CHST8: variants seen among roughly 807,000 people sequenced by gnomAD.
The protein encoded by CHST8 is GALNAC-4-ST1.
Under a neutral mutation model 15.0 loss-of-function variants are expected in CHST8, and 10 were observed. The observed-to-expected ratio is 0.67, with a 90% CI of 0.41 to 1.13. CHST8 has a LOEUF of 1.13. Among genes scored for constraint, CHST8 ranks in the 50% most tolerant of loss-of-function variants. The pLI, the probability that CHST8 is intolerant of heterozygous loss-of-function variation, is 0.00. For synonymous variants in CHST8, 259 were observed against 256.6 expected, an observed-to-expected ratio of 1.01 and a Z score of -0.09; for missense variants, 634 against 608.2, an observed-to-expected ratio of 1.04 and a Z score of -0.45.
intron 2 of CHST8, among the ~76,000 whole-genome samples, chr19:33,688,498 G>A (rs957321001): frequency 5.9e-5 from 9 of 152,166 alleles, no homozygotes; most frequent in South Asian, 2.1e-4. Flanking sequence ...AAAGGGCCTC[G>A]AGCACAGGGA....
intron 2 of CHST8, among the ~76,000 whole-genome samples, chr19:33,677,159 A>G (rs1001372451): frequency 9.9e-5 from 15 of 151,232 alleles, no homozygotes; most frequent in East Asian, 7.9e-4. Flanking sequence ...ATCAGCCGGC[A>G]GGGGGGGGCA....
intron 1 of CHST8, among the ~76,000 whole-genome samples, chr19:33,665,424 C>A (rs1465191214): frequency 1.3e-5 from 2 of 152,180 alleles, no homozygotes; most frequent in African/African-American, 2.4e-5. Context: ...ACAGATGATA[C>A]AGAACAGGCG....
At chr19:33,695,820 TC>T (rs1189821650) in intron 3 of CHST8, among the ~76,000 whole-genome samples, 19 of 122,712 alleles carry the variant, frequency 1.5e-4, no homozygotes, top group African/African-American at 5.0e-4. Flanking sequence ...TTTCTTTCTT[TC>T]TTTTTTTTTT....
chr19:33,650,571 G>A (rs180994407), intron 1 of CHST8, among the ~76,000 whole-genome samples: 27 of 105,116 alleles, frequency 2.6e-4, no homozygotes, highest in Middle Eastern at 0.024. Context: ...TCACTCTGTC[G>A]TCCAGGCTGG....
chr19:33,706,208 C>T lies in CHST8; in HGVS notation c.130+16817C>T, dbSNP rs560276658. ...AGATGCATGGCATTGGAGGGCCAGC[C>T]TGGGTTAGAGGTTGGGGAGCTGCAC... On this transcript the variant is annotated intron_variant, in intron 3 of 4. Coordinates refer to ENST00000650847, the MANE Select transcript of CHST8 (RefSeq NM_001127895.2). Among the ~76,000 whole-genome samples, 8 of 152,286 alleles carry T rather than the reference C, an allele frequency of 5.3e-5. No homozygotes were observed. In the South Asian group the frequency reaches 1.7e-3, roughly 32 times the overall value.
chr19:33,635,992 G>A (rs895569033), intron 1 of CHST8, among the ~76,000 whole-genome samples: 7 of 151,188 alleles, frequency 4.6e-5, no homozygotes, highest in Non-Finnish European at 8.8e-5. Context: ...AGAGCTAAAA[G>A]CAGTTTGGGA....
At chr19:33,721,944 G>C (rs1393701278) in intron 3 of CHST8, among the ~76,000 whole-genome samples, 3 of 151,722 alleles carry the variant, frequency 2.0e-5, no homozygotes, top group African/African-American at 7.3e-5. Context: ...TGGATGGATG[G>C]GTGGGTGAGT....
chr19:33,758,279 AG>A (rs1974645886), intron 3 of CHST8, among the ~76,000 whole-genome samples: 1 of 152,170 alleles, frequency 6.6e-6, no homozygotes, highest in Non-Finnish European at 1.5e-5. Flanking sequence ...TGCTTGAGTC[AG>A]GGCCGTCACC....
intron 1 of CHST8, among the ~76,000 whole-genome samples, chr19:33,640,426 T>C (rs545903806): frequency 1.3e-5 from 2 of 152,348 alleles, no homozygotes; most frequent in African/African-American, 4.8e-5. Context: ...TCCGTTCCTG[T>C]TCCAAGCTTC....
At chr19:33,670,897 A>G (rs2145231938) in intron 2 of CHST8, among the ~76,000 whole-genome samples, 1 of 152,192 alleles carries the variant, frequency 6.6e-6, no homozygotes, top group East Asian at 1.9e-4. Flanking sequence ...TAGCCACAAG[A>G]GATTATTACT....
intron 1 of CHST8, among the ~76,000 whole-genome samples, chr19:33,650,481 C>CT (rs1290110562): frequency 4.8e-5 from 3 of 62,904 alleles, no homozygotes; most frequent in Middle Eastern, 0.012. Flanking sequence ...ATACAAGTTT[C>CT]TTTTTTTTCT....
At chr19:33,650,507 C>CTTTTTTTTTT (rs74174678) in intron 1 of CHST8, among the ~76,000 whole-genome samples, 1 of 54,546 alleles carries the variant, frequency 1.8e-5, no homozygotes, top group Non-Finnish European at 3.4e-5. Context: ...TTTTCTTTTT[C>CTTTTTTTTTT]TTTTTCTTTT....
intron 1 of CHST8, among the ~76,000 whole-genome samples, chr19:33,657,781 G>A (rs1235329924): frequency 1.3e-5 from 2 of 152,016 alleles, no homozygotes; most frequent in Non-Finnish European, 2.9e-5. Context: ...ATATTGCCCA[G>A]GCTGGTCTCA....
chr19:33,752,310 T>C (rs1291410426), intron 3 of CHST8, among the ~76,000 whole-genome samples: 1 of 152,244 alleles, frequency 6.6e-6, no homozygotes, highest in Non-Finnish European at 1.5e-5. Flanking sequence ...TGAGCCAGGC[T>C]TCGCTCTCTG....
At chr19:33,711,396 G>A (rs1973546561) in intron 3 of CHST8, among the ~76,000 whole-genome samples, 1 of 152,118 alleles carries the variant, frequency 6.6e-6, no homozygotes, top group South Asian at 2.1e-4. Flanking sequence ...CAGAACCTCT[G>A]GCCATTGGTG....
At chr19:33,626,726 G>A (rs1972058374) in intron 1 of CHST8, among the ~76,000 whole-genome samples, 1 of 151,594 alleles carries the variant, frequency 6.6e-6, no homozygotes, top group Admixed American at 6.6e-5. Flanking sequence ...AAATGCAGGT[G>A]CCATGCTTCT....
At chr19:33,709,657 T>C (rs1398871274) in intron 3 of CHST8, among the ~76,000 whole-genome samples, 1 of 152,170 alleles carries the variant, frequency 6.6e-6, no homozygotes, top group Non-Finnish European at 1.5e-5. Context: ...TGTAGTTTTC[T>C]TGTGATGTCT....
chr19:33,721,603 T>C (rs1485404383), intron 3 of CHST8, among the ~76,000 whole-genome samples: 3 of 120,574 alleles, frequency 2.5e-5, no homozygotes, highest in African/African-American at 9.9e-5. Flanking sequence ...GATGGATGGA[T>C]GGATGGATGA....
intron 3 of CHST8, among the ~76,000 whole-genome samples, chr19:33,757,432 A>G (rs190959885): frequency 0.1 from 2,057 of 19,896 alleles, 123 homozygotes; most frequent in Non-Finnish European, 0.12. Flanking sequence ...GAAAGAAAGA[A>G]AGAAAGAAAG....
Sources: gnomAD v4.1 joint callset for allele counts (sites outside exome capture counted in the v4.1 genomes callset) on GRCh38, gnomAD v4.1.1 for gene constraint, MANE v1.5 for transcripts, NCBI Gene and HGNC (gene_info 2026-07-23, HGNC 2026-07-21) for gene names.